Variants in KIAA1671 observed in about 807,000 individuals in gnomAD.
KIAA1671 encodes the protein uncharacterized protein KIAA1671.
KIAA1671 carries 52 observed loss-of-function variants against 131.2 expected under a neutral mutation model. That is an observed-to-expected ratio of 0.40 (90% CI 0.32 to 0.50). The LOEUF (loss-of-function observed/expected upper bound fraction) is 0.50. Among genes scored for constraint, KIAA1671 ranks in the 20% least tolerant of loss-of-function variants. The pLI is 0.73. For synonymous variants in KIAA1671, 1,003 were observed against 961.6 expected (o/e 1.04, Z -0.80); for missense variants, 2,360 against 2,364.2 (o/e 1.00, Z 0.04).
At chr22:25,116,177 C>T (rs1209701206) in intron 6 of KIAA1671, among the ~76,000 whole-genome samples, 1 of 152,122 alleles carries the variant, frequency 6.6e-6, no homozygotes, top group Non-Finnish European at 1.5e-5. Flanking sequence ...ACCCTGCGTT[C>T]AAGCCATCCT....
intron 1 of KIAA1671, among the ~76,000 whole-genome samples, chr22:24,994,498 C>T (rs1924006481): frequency 6.6e-6 from 1 of 152,140 alleles, no homozygotes; most frequent in African/African-American, 2.4e-5. Context: ...AGAAAGTTAT[C>T]CACTAGTGCT....
At chr22:24,989,351 G>A (rs1018852417) in intron 1 of KIAA1671, among the ~76,000 whole-genome samples, 5 of 152,154 alleles carry the variant, frequency 3.3e-5, no homozygotes, top group African/African-American at 1.2e-4. Flanking sequence ...CAGCCCTGCT[G>A]ACAGCCTCCT....
At position 25,196,822 on chromosome 22, in the gene KIAA1671, T is replaced by C. The variant is rs1002379493; in HGVS notation, c.*4421T>C. On this transcript the variant is annotated 3_prime_UTR_variant, in exon 13 of 13. Coordinates refer to ENST00000358431, the MANE Select transcript of KIAA1671 (RefSeq NM_001145206.2). The stretch of plus-strand genomic sequence containing the variant: ...GTCACAAAAGTAATATATTGTGTTA[T>C]GGAAGATAATTTTGTACTGTGCTGT... The C allele has an allele frequency of 6.6e-5, 10 of 152,142 alleles. No homozygotes were observed. The highest frequency in any genetic ancestry group is 1.3e-4 in the Non-Finnish European group (9 of 68,028). The allele number at this position is 152,142 out of a possible 1,614,324, so 9.4% of individuals were successfully genotyped here. A position where few individuals can be genotyped will look rare whatever the true frequency, so the allele number is the denominator to read the frequency against.
chr22:25,151,429 C>CTTT (rs67444002), intron 6 of KIAA1671, among the ~76,000 whole-genome samples: 41 of 104,756 alleles, frequency 3.9e-4, no homozygotes, highest in East Asian at 1.0e-3. Context: ...AACATGAACT[C>CTTT]TTTTTTTTTT....
rs966728850 is a variant in KIAA1671 at position 25,179,381 on chromosome 22, C to T, written c.5074+1859C>T. 66 of 1,607,642 alleles carry T rather than the reference C, an allele frequency of 4.1e-5. No homozygotes were observed. In the African/African-American group the frequency reaches 6.0e-4, roughly 15 times the overall value. On this transcript the variant is annotated intron_variant, in intron 9 of 12. Coordinates refer to ENST00000358431, the MANE Select transcript of KIAA1671 (RefSeq NM_001145206.2). The stretch of plus-strand genomic sequence containing the variant: ...CCGCGTGCAGCTCCTCGCGCAGCCG[C>T]TCGCGCAGTGCGGCCAGGTGCGCCT...
intron 1 of KIAA1671, among the ~76,000 whole-genome samples, chr22:24,963,304 C>G (rs954688699): frequency 7.2e-6 from 1 of 139,570 alleles, no homozygotes; most frequent in Non-Finnish European, 1.5e-5. Context: ...GCGGCTCTTG[C>G]AGTGAGCCAA....
intron 1 of KIAA1671, chr22:25,024,251 C>T (rs982646899): frequency 2.0e-5 from 3 of 152,230 alleles, no homozygotes; most frequent in African/African-American, 7.2e-5. Context: ...ACCATTGATC[C>T]TAATTCAGCA....
At chr22:25,105,551 G>C (rs1018685103) in intron 6 of KIAA1671, among the ~76,000 whole-genome samples, 1 of 152,328 alleles carries the variant, frequency 6.6e-6, no homozygotes, top group Admixed American at 6.5e-5. Flanking sequence ...AGTCCTCTGG[G>C]GGGGAAAATG....
intron 1 of KIAA1671, among the ~76,000 whole-genome samples, chr22:24,981,865 C>T (rs752062314): frequency 6.6e-6 from 1 of 152,188 alleles, no homozygotes; most frequent in Non-Finnish European, 1.5e-5. Context: ...TGTGATTGCA[C>T]CACTGCACTC....
intron 1 of KIAA1671, among the ~76,000 whole-genome samples, chr22:24,961,688 A>G (rs777805716): frequency 2.0e-5 from 3 of 152,252 alleles, no homozygotes; most frequent in Non-Finnish European, 4.4e-5. Flanking sequence ...CTCATGCTAT[A>G]GGCTGAAGCA....
chr22:24,988,834 G>A (rs1017722189), intron 1 of KIAA1671, among the ~76,000 whole-genome samples: 1 of 152,008 alleles, frequency 6.6e-6, no homozygotes, highest in Non-Finnish European at 1.5e-5. Flanking sequence ...GGGGCAGGGA[G>A]CTACTGAACA....
chr22:24,993,468 C>T (rs139943655), intron 1 of KIAA1671, among the ~76,000 whole-genome samples: 51 of 152,350 alleles, frequency 3.3e-4, no homozygotes, highest in Non-Finnish European at 5.7e-4. Context: ...CCTTGGCCGG[C>T]TCCCTCTGAC....
chr22:25,184,170 G>A (rs1390526366), intron 10 of KIAA1671, among the ~76,000 whole-genome samples: 1 of 152,266 alleles, frequency 6.6e-6, no homozygotes, highest in Non-Finnish European at 1.5e-5. Flanking sequence ...GAACCCTGGA[G>A]TTGGGCTGCG....
chr22:24,969,828 C>T lies in KIAA1671; in HGVS notation c.-208+17056C>T, dbSNP rs9680538. Among the ~76,000 whole-genome samples, 1,335 of 152,322 alleles carry T rather than the reference C, an allele frequency of 8.8e-3. 29 individuals are homozygous for T. The highest frequency in any genetic ancestry group is 0.03 in the African/African-American group (1,264 of 41,566). On this transcript the variant is annotated intron_variant, in intron 1 of 12. Transcript: ENST00000358431. ...CACTACCCAGTATGAACTTCAGCTT[C>T]TGCTCTGTAAAACTGGGTTGCTATG... is the stretch of plus-strand genomic sequence containing the variant.
chr22:25,031,229 C>T (rs1293602506), intron 3 of KIAA1671, among the ~76,000 whole-genome samples: 2 of 139,448 alleles, frequency 1.4e-5, no homozygotes, highest in African/African-American at 5.4e-5. Flanking sequence ...GACGGAGTCT[C>T]GCTCTGCCGC....
chr22:25,001,281 G>T (rs917951920), intron 1 of KIAA1671, among the ~76,000 whole-genome samples: 1 of 151,900 alleles, frequency 6.6e-6, no homozygotes, highest in African/African-American at 2.4e-5. Flanking sequence ...GCATGTGTAT[G>T]TGTGTGCATG....
Position 25,029,333 on chromosome 22 carries a change from G to T in KIAA1671, c.1334G>T (p.Arg445Leu), listed in dbSNP as rs1001531741. 19 of 1,547,524 alleles carry T rather than the reference G, an allele frequency of 1.2e-5. No individual in the cohort carries two copies. In the African/African-American group the frequency reaches 2.6e-4, roughly 21 times the overall value. Residue 445 changes from arginine to leucine, a missense_variant, in exon 3 of 13, where the codon CGG becomes CTG. Coordinates refer to ENST00000358431, the MANE Select transcript of KIAA1671 (RefSeq NM_001145206.2). ...RSVRKCISLF[R>L]EDSTLALAVG... ...GTCAGGAAGTGCATCAGCCTGTTTCGGGAGGACAGCACCTTGGCCTTGGCA... is the reference window on the plus strand; with the variant it reads ...GTCAGGAAGTGCATCAGCCTGTTTCTGGAGGACAGCACCTTGGCCTTGGCA...
rs1378485589 is a variant in KIAA1671 at position 25,093,811 on chromosome 22, TG to T, written c.4530+44448del. Among the ~76,000 whole-genome samples, 16 of 106,766 alleles carry T rather than the reference TG, an allele frequency of 1.5e-4. 5 individuals are homozygous for T. The highest frequency in any genetic ancestry group is 5.5e-4 in the African/African-American group (15 of 27,282). The allele number at this position is 106,766 out of a possible 152,430, so 70.0% of individuals were successfully genotyped here. ...CTCTCTCTCTCTCTCTCTCTCTCTC[TG>T]TCTCTCTCTCTTTCTCTCTCTGTCT... On this transcript the variant is annotated intron_variant, in intron 6 of 12. Transcript: ENST00000358431.
At chr22:25,163,335 T>A (rs1933517043) in intron 6 of KIAA1671, among the ~76,000 whole-genome samples, 3 of 119,046 alleles carry the variant, frequency 2.5e-5, no homozygotes, top group African/African-American at 1.6e-4. Flanking sequence ...CCTCAAATTT[T>A]TTTTTTTTTT....
Sources: allele counts gnomAD v4.1 joint callset (sites outside exome capture counted in the v4.1 genomes callset), GRCh38; gene constraint gnomAD v4.1.1; transcripts MANE v1.5; gene names NCBI Gene and HGNC (gene_info 2026-07-23, HGNC 2026-07-21).